The following CDH2 variants were observed in gnomAD, a reference collection of about 807,000 sequenced individuals.
CDH2 encodes the protein cadherin-2.
CDH2 carries 17 observed loss-of-function variants against 92.0 expected under a neutral mutation model. The ratio of observed to expected loss-of-function variants is 0.18; its 90% CI spans 0.13 to 0.28. The LOEUF (loss-of-function observed/expected upper bound fraction) is 0.28, where lower values mean the gene tolerates loss of function less well. CDH2 is among the 10% of genes least tolerant of loss of function. The pLI is 1.00. For synonymous variants in CDH2, 419 were observed against 415.9 expected, an observed-to-expected ratio of 1.01 and a Z score of -0.09; for missense variants, 862 against 1,133.1, an observed-to-expected ratio of 0.76 and a Z score of 3.44.
At chr18:28,070,823 C>T (rs534141908) in intron 2 of CDH2, among the ~76,000 whole-genome samples, 4 of 152,320 alleles carry the variant, frequency 2.6e-5, no homozygotes, top group Non-Finnish European at 5.9e-5. Flanking sequence ...CATCATGTCA[C>T]ACCACGAATC....
At chr18:28,095,919 G>C (rs1247215222) in intron 2 of CDH2, among the ~76,000 whole-genome samples, 1 of 151,902 alleles carries the variant, frequency 6.6e-6, no homozygotes, top group Non-Finnish European at 1.5e-5. Flanking sequence ...GAAAGGGCCT[G>C]AAAAAACTGG....
intron 13 of CDH2, 25 bp from the exon 14 acceptor site, chr18:27,983,108 C>T (rs1409597861): frequency 1.9e-6 from 3 of 1,579,660 alleles, no homozygotes; most frequent in African/African-American, 1.4e-5. Context: ...AGTAAAAATA[C>T]ATAATATTGT....
chr18:27,999,728 G>GTATA (rs1187909225), intron 7 of CDH2, among the ~76,000 whole-genome samples: 1 of 150,820 alleles, frequency 6.6e-6, no homozygotes, highest in Non-Finnish European at 1.5e-5. Flanking sequence ...GTGTGTTTGT[G>GTATA]TATATATATA....
chr18:28,028,011 T>G (rs2013603957), intron 2 of CDH2, among the ~76,000 whole-genome samples: 1 of 152,134 alleles, frequency 6.6e-6, no homozygotes, highest in Non-Finnish European at 1.5e-5. Flanking sequence ...TCCATATTTC[T>G]GGTTACTTAT....
chr18:28,058,243 C>T (rs1218003545), intron 2 of CDH2, among the ~76,000 whole-genome samples: 1 of 152,190 alleles, frequency 6.6e-6, no homozygotes, highest in Non-Finnish European at 1.5e-5. Context: ...ATAGCTAAAA[C>T]AAGCCTTTCA....
chr18:28,176,159 G>A (rs548834793), intron 1 of CDH2, among the ~76,000 whole-genome samples: 31 of 152,292 alleles, frequency 2.0e-4, no homozygotes, highest in Middle Eastern at 3.4e-3. Flanking sequence ...CTCTCCCGAG[G>A]GTATGAAAAG....
chr18:28,038,726 G>A (rs1185759381), intron 2 of CDH2, among the ~76,000 whole-genome samples: 2 of 151,998 alleles, frequency 1.3e-5, no homozygotes, highest in Non-Finnish European at 2.9e-5. Context: ...TTTACAAAAT[G>A]TACTGATGTC....
intron 2 of CDH2, among the ~76,000 whole-genome samples, chr18:28,087,792 T>TA (rs1426256908): frequency 2.0e-4 from 29 of 144,184 alleles, no homozygotes; most frequent in Non-Finnish European, 4.1e-4. Context: ...TGAATGAAAA[T>TA]AAAAAACAAA....
intron 2 of CDH2, among the ~76,000 whole-genome samples, chr18:28,113,066 T>G (rs1406055931): frequency 6.6e-6 from 1 of 152,170 alleles, no homozygotes; most frequent in African/African-American, 2.4e-5. Context: ...ACAACTGATA[T>G]TTATCAGACC....
At chr18:28,152,392 G>A (rs1032611069) in intron 1 of CDH2, among the ~76,000 whole-genome samples, 9 of 152,156 alleles carry the variant, frequency 5.9e-5, no homozygotes, top group African/African-American at 2.2e-4. Context: ...CCCTTAAGGA[G>A]CTCAAGATTT....
chr18:28,166,925 A>G (rs1235509654), intron 1 of CDH2, among the ~76,000 whole-genome samples: 1 of 151,986 alleles, frequency 6.6e-6, no homozygotes, highest in Non-Finnish European at 1.5e-5. Flanking sequence ...CTCCTGGCAG[A>G]CTCTCAGATC....
downstream of CDH2, among the ~76,000 whole-genome samples, chr18:27,950,064 C>T (rs1007170846): frequency 2.0e-5 from 3 of 151,894 alleles, no homozygotes; most frequent in African/African-American, 4.8e-5. Flanking sequence ...AAGACTATTC[C>T]GATTAGCAAA....
At chr18:27,996,630 C>T (rs2012591076) in intron 7 of CDH2, among the ~76,000 whole-genome samples, 1 of 152,112 alleles carries the variant, frequency 6.6e-6, no homozygotes, top group Admixed American at 6.5e-5. Context: ...TCTGTATCTG[C>T]CTCACTGTGC....
chr18:28,056,666 C>A (rs912696337), intron 2 of CDH2, among the ~76,000 whole-genome samples: 1 of 152,076 alleles, frequency 6.6e-6, no homozygotes, highest in African/African-American at 2.4e-5. Context: ...GATCAAACTT[C>A]CCAAAAGGAA....
At chr18:28,032,640 C>A (rs2144087366) in intron 2 of CDH2, among the ~76,000 whole-genome samples, 1 of 152,114 alleles carries the variant, frequency 6.6e-6, no homozygotes, top group East Asian at 1.9e-4. Flanking sequence ...TATAATGATT[C>A]AAATCCTTTA....
intron 2 of CDH2, among the ~76,000 whole-genome samples, chr18:28,107,216 A>C (rs774083201): frequency 6.6e-5 from 10 of 151,714 alleles, no homozygotes; most frequent in Admixed American, 5.3e-4. Flanking sequence ...CATATAATAT[A>C]AATAATATAT....
At chr18:28,142,163 T>C (rs1382985758) in intron 2 of CDH2, among the ~76,000 whole-genome samples, 1 of 152,044 alleles carries the variant, frequency 6.6e-6, no homozygotes, top group Admixed American at 6.6e-5. Flanking sequence ...TGTGCGATCT[T>C]AAAAGGACAG....
chr18:27,933,585 G>A (rs1252903886), intron 6 of CDH2, among the ~76,000 whole-genome samples: 2 of 152,160 alleles, frequency 1.3e-5, no homozygotes, highest in Non-Finnish European at 2.9e-5. Context: ...GAGAAAAGGA[G>A]GGAGAGAGAG....
Position 28,013,708 on chromosome 18 carries a change from G to A in CDH2, c.374C>T (p.Pro125Leu). Reference sequence around the variant, plus strand: ...CTTCACTGACTCCTCAGTTAAGGTTGGCTTCAGGCTCAATTTTACTGCCAC... The same window carrying A: ...CTTCACTGACTCCTCAGTTAAGGTTAGCTTCAGGCTCAATTTTACTGCCAC... ...WQVAVKLSLK[P>L]TLTEESVKES... The change falls in exon 3 of 16, where the codon CCA becomes CTA. Residue 125 changes from proline to leucine, a missense_variant. Around this residue, in one of 5 missense-constraint regions of CDH2, gnomAD observed 159 missense variants for 177.2 expected, o/e 0.90. Transcript: ENST00000269141. The A allele has an allele frequency of 6.2e-7, 1 of 1,613,736 alleles. No homozygotes were observed. Among genetic ancestry groups the A allele is most frequent in the Non-Finnish European group, 8.5e-7 (1 of 1,179,732 alleles).
Sources: allele counts gnomAD v4.1 joint callset (sites outside exome capture counted in the v4.1 genomes callset), GRCh38; gene constraint gnomAD v4.1.1; regional missense constraint gnomAD v4.1.1; transcripts MANE v1.5; gene names NCBI Gene and HGNC (gene_info 2026-07-23, HGNC 2026-07-21).